Variants in PPP1R37 observed in about 807,000 individuals in gnomAD.
PPP1R37 encodes leucine rich repeat containing 68.
A neutral mutation model predicts 61.0 loss-of-function variants in PPP1R37; 21 were observed. That is an observed-to-expected ratio of 0.34 (90% CI 0.24 to 0.50). PPP1R37 has a LOEUF of 0.50. PPP1R37 is among the 20% of genes least tolerant of loss of function. The pLI is 0.98. For synonymous variants in PPP1R37, 443 were observed against 433.5 expected (o/e 1.02, Z -0.27); for missense variants, 910 against 952.7 (o/e 0.96, Z 0.59).
chr19:45,102,957 G>A (rs1261512779), intron 1 of PPP1R37, among the ~76,000 whole-genome samples: 3 of 152,222 alleles, frequency 2.0e-5, no homozygotes, highest in African/African-American at 7.2e-5. Flanking sequence ...GAGATGTGGA[G>A]GGGCTTCCCT....
intron 1 of PPP1R37, among the ~76,000 whole-genome samples, chr19:45,103,881 G>A (rs17562787): frequency 0.15 from 23,401 of 152,058 alleles, 1,989 homozygotes; most frequent in African/African-American, 0.18. Context: ...AGCTTGAATG[G>A]TTCTGATCCT....
At position 45,144,926 on chromosome 19, in the gene PPP1R37, A is replaced by G; in HGVS notation, c.1060A>G (p.Lys354Glu). The G allele has an allele frequency of 1.3e-6, 2 of 1,535,690 alleles. No homozygotes were observed. The highest frequency in any genetic ancestry group is 8.7e-7 in the Non-Finnish European group (1 of 1,146,704). Residue 354 changes from lysine (K) to glutamate (E), a missense_variant, in exon 9 of 13, where the codon AAG becomes GAG. Physicochemically the swap from Lys to Glu is moderately conservative, Grantham distance 56 (BLOSUM62 1). Around this residue, in one of 3 missense-constraint regions of PPP1R37, gnomAD observed 549 missense variants for 505.1 expected, o/e 1.09. Coordinates refer to ENST00000221462, the MANE Select transcript of PPP1R37 (RefSeq NM_019121.2). ...CGGGAACGAGGGTGTGCGGCACCTC[A>G]AGAACGGGCTCATCAGCAACCGCAG... ...PIGNEGVRHL[K>E]NGLISNRSVL...
chr19:45,110,642 C>A (rs1162999183), intron 1 of PPP1R37, among the ~76,000 whole-genome samples: 2 of 152,066 alleles, frequency 1.3e-5, no homozygotes, highest in Non-Finnish European at 2.9e-5. Flanking sequence ...TCTGCCTAGC[C>A]CAGGTTGTTG....
Position 45,146,972 on chromosome 19 carries a change from C to T in PPP1R37, c.*410C>T, listed in dbSNP as rs747326177. 5 of 163,132 alleles carry T rather than the reference C, an allele frequency of 3.1e-5. No homozygotes were observed. The highest frequency in any genetic ancestry group is 1.6e-4 in the South Asian group (1 of 6,248). The allele number at this position is 163,132 out of a possible 1,614,324, so 10.1% of individuals were successfully genotyped here. ...GCAGCCTGGTGCCGGAGAGGCGGTGCGTGCTGGTGGTGGTTGAGATGCACA... is the reference window on the plus strand; with the variant it reads ...GCAGCCTGGTGCCGGAGAGGCGGTGTGTGCTGGTGGTGGTTGAGATGCACA... On this transcript the variant is annotated 3_prime_UTR_variant, in exon 13 of 13. Coordinates refer to ENST00000221462, the MANE Select transcript of PPP1R37 (RefSeq NM_019121.2).
chr19:45,095,159 C>T (rs549579157), intron 1 of PPP1R37, among the ~76,000 whole-genome samples: 1 of 152,282 alleles, frequency 6.6e-6, no homozygotes, highest in Admixed American at 6.5e-5. Context: ...ACTGAACACA[C>T]AGGGAGTCCA....
chr19:45,119,088 A>G (rs1474601471), intron 1 of PPP1R37, among the ~76,000 whole-genome samples: 4 of 151,632 alleles, frequency 2.6e-5, no homozygotes, highest in Admixed American at 2.6e-4. Flanking sequence ...TCCTGGGTTC[A>G]AGCGATTCTC....
At chr19:45,110,374 C>T (rs1036662169) in intron 1 of PPP1R37, among the ~76,000 whole-genome samples, 29 of 152,094 alleles carry the variant, frequency 1.9e-4, no homozygotes, top group African/African-American at 6.3e-4. Context: ...CCTTGGCCTC[C>T]GAGAGTGCTG....
At chr19:45,095,031 C>T (rs993035290) in intron 1 of PPP1R37, among the ~76,000 whole-genome samples, 1 of 152,046 alleles carries the variant, frequency 6.6e-6, no homozygotes, top group East Asian at 1.9e-4. Context: ...CTGTGGTGGC[C>T]GTGGTTCTGT....
intron 1 of PPP1R37, among the ~76,000 whole-genome samples, chr19:45,095,056 C>T (rs769355215): frequency 1.1e-4 from 17 of 152,148 alleles, no homozygotes; most frequent in Non-Finnish European, 1.9e-4. Context: ...GCTGATCTGC[C>T]GGCCCTGGGC....
rs1247093744 is a variant in PPP1R37, at chr19:45,141,353, A to T, written c.479A>T (p.Tyr160Phe). 9 of 1,535,988 alleles carry T rather than the reference A, an allele frequency of 5.9e-6. No individual in the cohort carries two copies. Among genetic ancestry groups the T allele is most frequent in the Non-Finnish European group, 7.8e-6 (9 of 1,146,822 alleles). The change falls in exon 5 of 13, where the codon TAC (tyrosine) becomes TTC (phenylalanine). Residue 160 changes from tyrosine (Y) to phenylalanine (F), a missense_variant. Coordinates refer to ENST00000221462, the MANE Select transcript of PPP1R37 (RefSeq NM_019121.2). ...GASALFDMIE[Y>F]YESATHLNIS... The stretch of plus-strand genomic sequence containing the variant: ...TCGGCCCTCTTCGACATGATCGAGT[A>T]CTACGAGTCGGCCACCCACCTCAAC...
chr19:45,138,629 TG>T lies in PPP1R37; in HGVS notation c.300+21del. ...AGCTGCAGGTATGGGCGGGACAGGG[TG>T]GGTGCGTCCGGTGTGGGTGTCAAGG... On this transcript the variant is annotated intron_variant, in intron 2 of 12. Coordinates refer to ENST00000221462, the MANE Select transcript of PPP1R37 (RefSeq NM_019121.2). 1 of 591,746 alleles carries T rather than the reference TG, an allele frequency of 1.7e-6. No individual in the cohort carries two copies. The highest frequency in any genetic ancestry group is 3.0e-6 in the Non-Finnish European group (1 of 336,364). 36.7% of individuals were successfully genotyped at this position (591,746 alleles called of 1,614,324 possible). A position where few individuals can be genotyped will look rare whatever the true frequency, so the allele number is the denominator to read the frequency against.
intron 1 of PPP1R37, among the ~76,000 whole-genome samples, chr19:45,098,465 TC>T (rs1278114870): frequency 1.3e-5 from 2 of 152,162 alleles, no homozygotes; most frequent in Admixed American, 1.3e-4. Flanking sequence ...CCTCCTCCAG[TC>T]CTGCCGGTGA....
chr19:45,118,289 G>A (rs1968296179), intron 1 of PPP1R37, among the ~76,000 whole-genome samples: 1 of 152,198 alleles, frequency 6.6e-6, no homozygotes, highest in African/African-American at 2.4e-5. Context: ...GGAAGCCCGG[G>A]GCCTGTGACC....
chr19:45,115,917 T>C (rs1190452644), intron 1 of PPP1R37, among the ~76,000 whole-genome samples: 1 of 150,986 alleles, frequency 6.6e-6, no homozygotes, highest in Non-Finnish European at 1.5e-5. Flanking sequence ...GAAGTTGCAG[T>C]GAGCTGAGAT....
At chr19:45,103,033 T>A (rs1308486378) in intron 1 of PPP1R37, among the ~76,000 whole-genome samples, 3 of 152,240 alleles carry the variant, frequency 2.0e-5, no homozygotes, top group African/African-American at 7.2e-5. Flanking sequence ...CATGCTTGGC[T>A]ATGTTTCGTA....
intron 1 of PPP1R37, chr19:45,129,048 A>T: frequency 1.3e-6 from 1 of 754,520 alleles, no homozygotes; most frequent in Non-Finnish European, 2.3e-6. Context: ...TCCCAGGGTG[A>T]CAGTGGTGGC....
chr19:45,104,672 T>TTG (rs972242719), intron 1 of PPP1R37, among the ~76,000 whole-genome samples: 10 of 111,952 alleles, frequency 8.9e-5, no homozygotes, highest in Non-Finnish European at 1.7e-4. Flanking sequence ...CACATCACAC[T>TTG]TGTGACCTCC....
At chr19:45,102,823 G>A (rs1968081458) in intron 1 of PPP1R37, among the ~76,000 whole-genome samples, 1 of 152,244 alleles carries the variant, frequency 6.6e-6, no homozygotes, top group Admixed American at 6.5e-5. Flanking sequence ...TGCATCAAGT[G>A]TGGAGCTGAT....
chr19:45,138,641 G>T (rs1384277908), intron 2 of PPP1R37, 30 bp downstream of exon 2: 2 of 1,468,860 alleles, frequency 1.4e-6, no homozygotes, highest in Non-Finnish European at 1.8e-6. Context: ...GGTGCGTCCG[G>T]TGTGGGTGTC....
Sources: gnomAD v4.1 joint callset for allele counts (sites outside exome capture counted in the v4.1 genomes callset) on GRCh38, gnomAD v4.1.1 for gene constraint, gnomAD v4.1.1 regional missense constraint, MANE v1.5 for transcripts, NCBI Gene and HGNC (gene_info 2026-07-23, HGNC 2026-07-21) for gene names.